The following DYNC2H1 variants were observed in gnomAD, a reference collection of about 807,000 sequenced individuals.
The protein encoded by DYNC2H1 is dynein cytoplasmic 2 heavy chain 1.
A neutral mutation model predicts 570.0 loss-of-function variants in DYNC2H1; 410 were observed. The observed-to-expected ratio is 0.72, with a 90% confidence interval of 0.66 to 0.78. The LOEUF (loss-of-function observed/expected upper bound fraction) is 0.78, where lower values mean the gene tolerates loss of function less well. DYNC2H1 is among the 30% of genes least tolerant of loss of function. DYNC2H1 has a pLI of 0.00. For missense variants in DYNC2H1, 4,865 were observed against 5,046.4 expected (o/e 0.96, Z 1.09); for synonymous variants, 1,688 against 1,677.6 (o/e 1.01, Z -0.15).
At chr11:103,381,079 A>G (rs1245893804) in intron 83 of DYNC2H1, among the ~76,000 whole-genome samples, 1 of 152,208 alleles carries the variant, frequency 6.6e-6, no homozygotes, top group Non-Finnish European at 1.5e-5. Context: ...TGTGTTTTAT[A>G]AAGGCAAAAT....
chr11:103,122,991 C>T lies in DYNC2H1; in HGVS notation c.1652C>T (p.Ser551Phe). 1 of 1,523,816 alleles carries T rather than the reference C, an allele frequency of 6.6e-7. No individual in the cohort carries two copies. 94.4% of individuals were successfully genotyped at this position (1,523,816 alleles called of 1,614,324 possible). A position where few individuals can be genotyped will look rare whatever the true frequency, so the allele number is the denominator to read the frequency against. Residue 551 changes from serine (S) to phenylalanine (F), a missense_variant, in exon 11 of 89, where the codon TCT becomes TTT. Ser to Phe is a radical substitution (Grantham distance 155, BLOSUM62 -2). Coordinates refer to ENST00000375735, the MANE Select transcript of DYNC2H1 (RefSeq NM_001377.3). Reference sequence around the variant, plus strand: ...CAATCAGGTTTATCTGATTCCAGATCTGGTTTGTGGTAAGTATAGATATAT... The same window carrying T: ...CAATCAGGTTTATCTGATTCCAGATTTGGTTTGTGGTAAGTATAGATATAT... Reference protein sequence around the residue: ...DIQSGLSDSRSGLCIEASSRI... With the variant: ...DIQSGLSDSRFGLCIEASSRI...
intron 13 of DYNC2H1, among the ~76,000 whole-genome samples, chr11:103,131,996 T>C (rs1232171454): frequency 6.6e-6 from 1 of 152,146 alleles, no homozygotes. Context: ...TTGTTAAGTT[T>C]TCAGTTACTG....
chr11:103,154,556 G>A lies in DYNC2H1; in HGVS notation c.3408G>A (p.Glu1136=), dbSNP rs1391760314. 3 of 1,600,306 alleles carry A rather than the reference G, an allele frequency of 1.9e-6. No homozygotes were observed. The highest frequency in any genetic ancestry group is 1.3e-5 in the African/African-American group (1 of 74,608). ...SCAQIWAFYE[E]FQQGFQEMAN... is the part of the protein sequence containing the mutation. ...CCCAAATTTGGGCCTTTTATGAAGA[G>A]TTTCAACAAGGATTTCAGGAAATGG... is the stretch of plus-strand genomic sequence containing the variant. Residue 1136 remains glutamate, a synonymous_variant, in exon 23 of 89, where the codon GAG becomes GAA. Transcript: ENST00000375735.
intron 3 of DYNC2H1, 62 bp from the exon 4 acceptor site, chr11:103,115,115 T>C: frequency 7.9e-7 from 1 of 1,267,340 alleles, no homozygotes; most frequent in Non-Finnish European, 1.1e-6. Flanking sequence ...CTCTGCTGTT[T>C]TGTATTCATT....
At chr11:103,200,784 A>T (rs1020212452) in intron 50 of DYNC2H1, among the ~76,000 whole-genome samples, 1 of 152,138 alleles carries the variant, frequency 6.6e-6, no homozygotes, top group African/African-American at 2.4e-5. Context: ...CTTCAGTTGG[A>T]TATTACAAAT....
At chr11:103,335,527 A>G (rs1158135090) in intron 82 of DYNC2H1, among the ~76,000 whole-genome samples, 1 of 152,034 alleles carries the variant, frequency 6.6e-6, no homozygotes, top group Non-Finnish European at 1.5e-5. Context: ...GCTTTTGAGA[A>G]TTGTTTTTTT....
intron 8 of DYNC2H1, 45 bp from the exon 9 acceptor site, chr11:103,120,880 G>A: frequency 1.6e-6 from 2 of 1,214,480 alleles, no homozygotes; most frequent in Non-Finnish European, 2.1e-6. Flanking sequence ...TATTTACTGA[G>A]TTGATCCGTT....
intron 80 of DYNC2H1, among the ~76,000 whole-genome samples, chr11:103,316,862 C>G (rs1457301961): frequency 6.6e-6 from 1 of 152,024 alleles, no homozygotes; most frequent in Admixed American, 6.6e-5. Flanking sequence ...CACTTTGTGG[C>G]TTTCAAAAGT....
chr11:103,294,008 G>A (rs2135375978), intron 75 of DYNC2H1, among the ~76,000 whole-genome samples: 1 of 152,152 alleles, frequency 6.6e-6, no homozygotes, highest in East Asian at 1.9e-4. Flanking sequence ...ATCTGGGAGA[G>A]GCAGAGGTTG....
chr11:103,282,700 C>G (rs987666555), intron 72 of DYNC2H1, among the ~76,000 whole-genome samples: 53 of 151,854 alleles, frequency 3.5e-4, no homozygotes, highest in African/African-American at 1.3e-3. Flanking sequence ...TAGATCATGT[C>G]TGAAATGTAA....
intron 55 of DYNC2H1, among the ~76,000 whole-genome samples, chr11:103,216,306 G>A (rs1185293674): frequency 1.3e-5 from 2 of 151,906 alleles, no homozygotes; most frequent in African/African-American, 2.4e-5. Context: ...TTTTTTGAGT[G>A]GTTGCCTTTG....
rs765156289 is a variant in DYNC2H1, at chr11:103,156,641, C to T, written c.3998C>T (p.Ala1333Val). Residue 1333 changes from alanine to valine, a missense_variant, in exon 26 of 89, where the codon GCA becomes GTA. By Grantham distance (64) the Ala-to-Val change is moderately conservative. Transcript: ENST00000375735. ...GTATCAATTTGGGAAAGAAAACTTG[C>T]AGAGTTAGATGAATACCTGCAGAAT... ...DKVSIWERKLAELDEYLQNLN... is the reference protein window; with the variant it reads ...DKVSIWERKLVELDEYLQNLN... 2.2e-5 allele frequency: 35 copies of T among 1,613,458 alleles called. 1 individual carries two copies. In the East Asian group the frequency reaches 4.5e-4, roughly 21 times the overall value.
chr11:103,304,811 A>G (rs1446256113), intron 77 of DYNC2H1, 91 bp downstream of exon 77: 2 of 1,249,828 alleles, frequency 1.6e-6, no homozygotes. Context: ...TGCATTATTT[A>G]TGATGATTTA....
At position 103,231,336 on chromosome 11, in the gene DYNC2H1, C is replaced by T. The variant is rs754444062; in HGVS notation, c.9430C>T (p.Leu3144Phe). The change falls in exon 60 of 89, where the codon CTC (leucine) becomes TTC (phenylalanine). Residue 3144 changes from leucine (L) to phenylalanine (F), a missense_variant. Leu to Phe is a conservative substitution (Grantham distance 22). Transcript: ENST00000375735. ...LNSVGQKVSE[L>F]KEKFQSRTSE... ...TTCTGTTGGTCAAAAGGTATCAGAA[C>T]TCAAAGAAAAGTAAGTTATATTTTG... is the stretch of plus-strand genomic sequence containing the variant. 1 of 1,600,854 alleles carries T rather than the reference C, an allele frequency of 6.2e-7. No homozygotes were observed. Among genetic ancestry groups the T allele is most frequent in the Non-Finnish European group, 8.5e-7 (1 of 1,173,380 alleles).
At chr11:103,219,506 T>G (rs651411) in intron 55 of DYNC2H1, among the ~76,000 whole-genome samples, 141,803 of 152,098 alleles carry the variant, frequency 0.93, 66,132 homozygotes, top group African/African-American at 0.94. Flanking sequence ...CAGCTACTTG[T>G]GAGGCTGAGG....
At chr11:103,433,783 T>C (rs985008523) in intron 84 of DYNC2H1, among the ~76,000 whole-genome samples, 10 of 152,054 alleles carry the variant, frequency 6.6e-5, no homozygotes, top group Non-Finnish European at 1.2e-4. Flanking sequence ...GCTTTTTGGG[T>C]TTGATTCCTC....
At chr11:103,441,873 T>C (rs1366376625) in intron 85 of DYNC2H1, among the ~76,000 whole-genome samples, 2 of 152,154 alleles carry the variant, frequency 1.3e-5, no homozygotes, top group Admixed American at 1.3e-4. Context: ...TTGAGGTGTC[T>C]TACTGTATTT....
At chr11:103,359,334 CTTTGAAG>C (rs1231091331) in intron 83 of DYNC2H1, among the ~76,000 whole-genome samples, 1 of 152,150 alleles carries the variant, frequency 6.6e-6, no homozygotes, top group Non-Finnish European at 1.5e-5. Flanking sequence ...AAACTACATT[CTTTGAAG>C]TTTTGCACTT....
intron 82 of DYNC2H1, among the ~76,000 whole-genome samples, chr11:103,351,616 A>G (rs1940060079): frequency 6.6e-6 from 1 of 152,134 alleles, no homozygotes; most frequent in African/African-American, 2.4e-5. Flanking sequence ...TCCTTAATTT[A>G]TGTGATGAAA....
Sources: gnomAD v4.1 joint callset for allele counts (sites outside exome capture counted in the v4.1 genomes callset) on GRCh38, gnomAD v4.1.1 for gene constraint, MANE v1.5 for transcripts, NCBI Gene and HGNC (gene_info 2026-07-23, HGNC 2026-07-21) for gene names.